NRXN1: variants seen among roughly 807,000 people sequenced by gnomAD.
NRXN1 encodes the protein neurexin-1.
A neutral mutation model predicts 150.9 loss-of-function variants in NRXN1; 39 were observed. That is an observed-to-expected ratio of 0.26 (90% CI 0.20 to 0.34). The LOEUF is 0.34. Among genes scored for constraint, NRXN1 ranks in the 10% least tolerant of loss-of-function variants. The pLI is 1.00. For missense variants in NRXN1, 1,815 were observed against 1,949.9 expected (o/e 0.93, Z 1.30); for synonymous variants, 924 against 757.0 (o/e 1.22, Z -3.62).
At chr2:50,525,583 G>T (rs146661437) in intron 12 of NRXN1, among the ~76,000 whole-genome samples, 2 of 152,244 alleles carry the variant, frequency 1.3e-5, no homozygotes, top group African/African-American at 2.4e-5. Flanking sequence ...TTTAGCAATG[G>T]TATAAGCTAA....
At chr2:50,493,200 T>G (rs890523248) in intron 15 of NRXN1, among the ~76,000 whole-genome samples, 1 of 152,216 alleles carries the variant, frequency 6.6e-6, no homozygotes, top group Non-Finnish European at 1.5e-5. Flanking sequence ...ATGATTAGTA[T>G]GCAAAGAAAA....
intron 10 of NRXN1, among the ~76,000 whole-genome samples, chr2:50,538,033 C>G (rs1051941718): frequency 6.6e-6 from 1 of 152,248 alleles, no homozygotes; most frequent in Middle Eastern, 3.4e-3. Context: ...AGTTTCTATT[C>G]CTGCAATATA....
intron 9 of NRXN1, among the ~76,000 whole-genome samples, chr2:50,540,694 A>C (rs950372800): frequency 6.6e-5 from 10 of 151,746 alleles, no homozygotes; most frequent in African/African-American, 2.4e-4. Context: ...ACAGAGTCTT[A>C]CTCTGTCACA....
intron 5 of NRXN1, among the ~76,000 whole-genome samples, chr2:50,823,178 T>G (rs1229747964): frequency 6.6e-6 from 1 of 152,140 alleles, no homozygotes; most frequent in African/African-American, 2.4e-5. Context: ...CCAAAACAGC[T>G]CCTTCAAATG....
At chr2:50,319,749 G>T (rs1056277344) in intron 17 of NRXN1, among the ~76,000 whole-genome samples, 7 of 151,888 alleles carry the variant, frequency 4.6e-5, no homozygotes, top group African/African-American at 1.7e-4. Context: ...ATGCAACAAA[G>T]ACCCCTACGC....
At chr2:50,836,409 A>G (rs1199134228) in intron 5 of NRXN1, among the ~76,000 whole-genome samples, 1 of 152,084 alleles carries the variant, frequency 6.6e-6, no homozygotes, top group Non-Finnish European at 1.5e-5. Flanking sequence ...TGTACAGTAA[A>G]TCACTAAAGC....
chr2:50,357,908 G>T (rs185913493), intron 17 of NRXN1, among the ~76,000 whole-genome samples: 198 of 152,278 alleles, frequency 1.3e-3, no homozygotes, highest in Non-Finnish European at 2.6e-3. Flanking sequence ...TGGTTAGACA[G>T]TGGGTGCAGC....
At chr2:50,247,634 T>C (rs553678707) in intron 17 of NRXN1, among the ~76,000 whole-genome samples, 11 of 152,010 alleles carry the variant, frequency 7.2e-5, no homozygotes, top group African/African-American at 2.4e-4. Context: ...TTCTAGAAAA[T>C]AACTGGCAGC....
chr2:50,600,450 G>A (rs146645214), intron 8 of NRXN1, among the ~76,000 whole-genome samples: 6,907 of 150,046 alleles, frequency 0.046, 214 homozygotes, highest in Non-Finnish European at 0.064. Context: ...TCAGCTTCCC[G>A]AGTAGCTGGG....
chr2:50,093,798 G>A (rs1277728031), intron 18 of NRXN1, among the ~76,000 whole-genome samples: 1 of 152,104 alleles, frequency 6.6e-6, no homozygotes, highest in African/African-American at 2.4e-5. Context: ...TTACAGATGA[G>A]AAAATTAAGG....
chr2:50,493,387 C>T (rs2091373788), intron 15 of NRXN1, among the ~76,000 whole-genome samples: 1 of 152,120 alleles, frequency 6.6e-6, no homozygotes, highest in Non-Finnish European at 1.5e-5. Context: ...CAGGTGGTCC[C>T]AGCTTGGTTT....
chr2:50,161,912 C>G (rs574991364), intron 18 of NRXN1, among the ~76,000 whole-genome samples: 2 of 152,148 alleles, frequency 1.3e-5, no homozygotes, highest in African/African-American at 4.8e-5. Flanking sequence ...TTTTCTTTTG[C>G]AAAACACTCT....
At chr2:50,030,348 A>G (rs149974503) in intron 21 of NRXN1, among the ~76,000 whole-genome samples, 1 of 152,010 alleles carries the variant, frequency 6.6e-6, no homozygotes, top group Non-Finnish European at 1.5e-5. Context: ...TGCATGCCAT[A>G]CTTTTCAGAT....
chr2:50,590,183 T>C (rs964650014), intron 8 of NRXN1, among the ~76,000 whole-genome samples: 7 of 152,226 alleles, frequency 4.6e-5, no homozygotes, highest in African/African-American at 1.7e-4. Flanking sequence ...TTTACTTACA[T>C]GCAGTTTTAA....
intron 5 of NRXN1, among the ~76,000 whole-genome samples, chr2:50,630,031 AC>A (rs1274297638): frequency 6.6e-6 from 1 of 151,622 alleles, no homozygotes; most frequent in African/African-American, 2.4e-5. Flanking sequence ...CCAATAGTCT[AC>A]AACAATTGAT....
At chr2:50,093,605 G>T (rs752288811) in intron 18 of NRXN1, among the ~76,000 whole-genome samples, 1 of 152,058 alleles carries the variant, frequency 6.6e-6, no homozygotes, top group African/African-American at 2.4e-5. Context: ...CTGAACTCCT[G>T]CCTGGTTGAC....
At chr2:50,440,129 G>A (rs1019389088) in intron 17 of NRXN1, among the ~76,000 whole-genome samples, 1 of 152,136 alleles carries the variant, frequency 6.6e-6, no homozygotes, top group Non-Finnish European at 1.5e-5. Context: ...AGGATAGCAG[G>A]ATATTCCAGT....
chr2:50,902,459 C>G (rs1683093790), intron 5 of NRXN1, among the ~76,000 whole-genome samples: 1 of 151,900 alleles, frequency 6.6e-6, no homozygotes, highest in African/African-American at 2.4e-5. Context: ...ATTTTCATAA[C>G]TCTAAACCAG....
chr2:50,656,374 G>C, intron 5 of NRXN1: 1 of 776,984 alleles, frequency 1.3e-6, no homozygotes, highest in Non-Finnish European at 2.4e-6. Flanking sequence ...TAGGACATTT[G>C]CTTCCAGAAG....
Sources: gnomAD v4.1 joint callset for allele counts (sites outside exome capture counted in the v4.1 genomes callset) on GRCh38, gnomAD v4.1.1 for gene constraint, MANE v1.5 for transcripts, NCBI Gene and HGNC (gene_info 2026-07-23, HGNC 2026-07-21) for gene names.